Variants in C8orf34 observed in about 807,000 individuals in gnomAD.
The protein encoded by C8orf34 is uncharacterized protein C8orf34.
C8orf34 carries 65 observed loss-of-function variants against 68.3 expected under a neutral mutation model. The ratio of observed to expected loss-of-function variants is 0.95; its 90% confidence interval spans 0.78 to 1.17. The LOEUF is 1.17. Ranked by LOEUF, C8orf34 falls within the 50% of genes most tolerant of loss-of-function variation. The probability of loss-of-function intolerance (pLI) is 0.00; values close to 1 mark genes in which losing one functional copy is unlikely to be tolerated. For missense variants in C8orf34, 664 were observed against 655.4 expected, an observed-to-expected ratio of 1.01 and a Z score of -0.14; for synonymous variants, 244 against 241.2, an observed-to-expected ratio of 1.01 and a Z score of -0.11.
chr8:68,453,362 A>G (rs1811422090), intron 3 of C8orf34, among the ~76,000 whole-genome samples: 1 of 152,070 alleles, frequency 6.6e-6, no homozygotes, highest in African/African-American at 2.4e-5. Context: ...TCTGTGGATC[A>G]CTTTGGAGAG....
intron 1 of C8orf34, among the ~76,000 whole-genome samples, chr8:68,344,231 T>C (rs1248428213): frequency 6.6e-6 from 1 of 151,896 alleles, no homozygotes; most frequent in East Asian, 1.9e-4. Flanking sequence ...ATTCAGCAGT[T>C]AAAAAAAATA....
chr8:68,537,489 C>T (rs1455210858), intron 7 of C8orf34, among the ~76,000 whole-genome samples: 1 of 150,604 alleles, frequency 6.6e-6, no homozygotes, highest in Non-Finnish European at 1.5e-5. Context: ...GAGATCAAGT[C>T]TTGCTTTGGC....
intron 10 of C8orf34, among the ~76,000 whole-genome samples, chr8:68,730,307 C>T (rs1438306128): frequency 6.6e-6 from 1 of 152,006 alleles, no homozygotes; most frequent in Non-Finnish European, 1.5e-5. Context: ...TTTGCTCAGT[C>T]CTAAAGGTTT....
At chr8:68,645,757 C>T (rs1015605062) in intron 8 of C8orf34, among the ~76,000 whole-genome samples, 4 of 152,088 alleles carry the variant, frequency 2.6e-5, no homozygotes, top group East Asian at 1.9e-4. Context: ...AGCCCATCAA[C>T]GACCTAGTTA....
intron 1 of C8orf34, among the ~76,000 whole-genome samples, chr8:68,367,912 G>GAAAAAAAAAAAAAAAAAAAAAAAAAAAA (rs61562318): frequency 3.8e-5 from 3 of 79,118 alleles, no homozygotes; most frequent in Admixed American, 3.3e-4. Context: ...AAAAAGAAAA[G>GAAAAAAAAAAAAAAAAAAAAAAAAAAAA]AAAAAAAAAA....
At chr8:68,804,176 A>C (rs1401601039) in intron 12 of C8orf34, among the ~76,000 whole-genome samples, 1 of 152,166 alleles carries the variant, frequency 6.6e-6, no homozygotes, top group Non-Finnish European at 1.5e-5. Context: ...TTAAGGCCCT[A>C]TGTATTGAAA....
intron 4 of C8orf34, among the ~76,000 whole-genome samples, chr8:68,476,089 A>T (rs368679122): frequency 9.2e-5 from 14 of 152,246 alleles, no homozygotes; most frequent in African/African-American, 3.1e-4. Context: ...CTAAGGAGTG[A>T]TAGAATAACT....
intron 8 of C8orf34, among the ~76,000 whole-genome samples, chr8:68,703,588 T>C (rs560152079): frequency 7.2e-5 from 11 of 152,188 alleles, no homozygotes; most frequent in Admixed American, 7.2e-4. Context: ...TCAATACATA[T>C]ATATGTGCAA....
chr8:68,746,515 G>A, intron 10 of C8orf34, among the ~76,000 whole-genome samples: 1 of 88,448 alleles, frequency 1.1e-5, no homozygotes, highest in East Asian at 3.2e-4. Context: ...AAAGAGAGAA[G>A]AATCAAATAG....
intron 1 of C8orf34, among the ~76,000 whole-genome samples, chr8:68,423,027 T>C (rs1231075985): frequency 6.6e-6 from 1 of 152,224 alleles, no homozygotes; most frequent in Non-Finnish European, 1.5e-5. Flanking sequence ...ACCCTGAGCC[T>C]GGCCAAGGAA....
At chr8:68,668,782 A>T (rs1819919440) in intron 8 of C8orf34, among the ~76,000 whole-genome samples, 1 of 152,174 alleles carries the variant, frequency 6.6e-6, no homozygotes, top group South Asian at 2.1e-4. Flanking sequence ...AGGTGTCATT[A>T]CTGGCTTTGA....
chr8:68,654,120 A>G (rs1339483781), intron 8 of C8orf34, among the ~76,000 whole-genome samples: 9 of 152,166 alleles, frequency 5.9e-5, no homozygotes, highest in Admixed American at 3.3e-4. Context: ...GTACAGATGA[A>G]ATCGGTGCCC....
At chr8:68,490,812 C>A (rs1488760311) in intron 5 of C8orf34, among the ~76,000 whole-genome samples, 1 of 152,122 alleles carries the variant, frequency 6.6e-6, no homozygotes, top group Non-Finnish European at 1.5e-5. Flanking sequence ...GCCTGTCTGG[C>A]AGTCACCCTT....
At position 68,533,150 on chromosome 8, in the gene C8orf34, G is replaced by A. The variant is rs2129833904; in HGVS notation, c.1105+1G>A. On this transcript the variant is annotated splice_donor_variant, in intron 7 of 13. Transcript: ENST00000518698. LOFTEE classifies it high-confidence loss of function. The stretch of plus-strand genomic sequence containing the variant: ...GAAGATGATGCAATGGAATTGCTGG[G>A]TAATTTTAAAAATTAATAATTTCTC... 6.4e-7 allele frequency: 1 copy of A among 1,558,914 alleles called. No homozygotes were observed. Among genetic ancestry groups the A allele is most frequent in the Non-Finnish European group, 8.6e-7 (1 of 1,158,692 alleles).
intron 1 of C8orf34, among the ~76,000 whole-genome samples, chr8:68,354,345 CTTTT>C (rs752029009): frequency 6.6e-6 from 1 of 151,870 alleles, no homozygotes; most frequent in Non-Finnish European, 1.5e-5. Flanking sequence ...TTCTTACAGA[CTTTT>C]TTTGTTTTTA....
intron 7 of C8orf34, among the ~76,000 whole-genome samples, chr8:68,603,722 A>G (rs1817773708): frequency 6.6e-6 from 1 of 152,094 alleles, no homozygotes; most frequent in Non-Finnish European, 1.5e-5. Context: ...GAAAAAAACC[A>G]CAGTGGGGAT....
At chr8:68,671,136 G>C (rs1819995822) in intron 8 of C8orf34, among the ~76,000 whole-genome samples, 2 of 152,162 alleles carry the variant, frequency 1.3e-5, no homozygotes, top group South Asian at 4.1e-4. Context: ...ATAATGAGTG[G>C]TAATGAGTTA....
intron 8 of C8orf34, among the ~76,000 whole-genome samples, chr8:68,687,990 A>G (rs762007936): frequency 6.6e-6 from 1 of 152,180 alleles, no homozygotes. Context: ...GACATTTCTC[A>G]AAAGAAGATA....
At chr8:68,660,235 A>G (rs1026380118) in intron 8 of C8orf34, among the ~76,000 whole-genome samples, 2 of 152,198 alleles carry the variant, frequency 1.3e-5, no homozygotes, top group Admixed American at 6.5e-5. Context: ...CAGACTGAAG[A>G]TTATTGTTAC....
Sources: allele counts gnomAD v4.1 joint callset (sites outside exome capture counted in the v4.1 genomes callset), GRCh38; gene constraint gnomAD v4.1.1; transcripts MANE v1.5; gene names NCBI Gene and HGNC (gene_info 2026-07-23, HGNC 2026-07-21).